OXR1: variants seen among roughly 807,000 people sequenced by gnomAD.
OXR1 encodes the protein oxidation resistance protein 1.
A neutral mutation model predicts 104.6 loss-of-function variants in OXR1; 41 were observed. The observed-to-expected ratio is 0.39, with a 90% CI of 0.31 to 0.51. The LOEUF is 0.51. Ranked by LOEUF, OXR1 falls within the 20% of genes least tolerant of loss-of-function variation. OXR1 has a pLI of 0.77. For synonymous variants in OXR1, 348 were observed against 348.4 expected (o/e 1.00, Z 0.01); for missense variants, 955 against 1,031.9 (o/e 0.93, Z 1.02).
intron 2 of OXR1, among the ~76,000 whole-genome samples, chr8:106,426,366 CAATT>C (rs1386416522): frequency 1.3e-5 from 2 of 151,686 alleles, no homozygotes; most frequent in South Asian, 2.1e-4. Flanking sequence ...TTTTTTTAAA[CAATT>C]GATTGAAAGA....
rs535636238 is a variant in OXR1, at chr8:106,529,359, A to G, written c.220+10220A>G. On this transcript the variant is annotated intron_variant, in intron 3 of 16. Transcript: ENST00000517566. Reference sequence around the variant, plus strand: ...TTTAATATCTACTTTAAAACATGAGATTAAGGAAATCCCACAAGCTGAAAC... The same window carrying G: ...TTTAATATCTACTTTAAAACATGAGGTTAAGGAAATCCCACAAGCTGAAAC... Among the ~76,000 whole-genome samples the G allele has an allele frequency of 2.6e-4, 40 of 152,310 alleles. No individual in the cohort carries two copies. The South Asian group carries it at 8.1e-3, about 31-fold the overall frequency.
At chr8:106,519,191 C>A in intron 3 of OXR1, 52 bp downstream of exon 3, 2 of 1,268,066 alleles carry the variant, frequency 1.6e-6, no homozygotes, top group South Asian at 1.5e-5. Context: ...ACCTAAATGG[C>A]ATTGAGAATT....
intron 1 of OXR1, among the ~76,000 whole-genome samples, chr8:106,282,032 TC>T (rs1812311507): frequency 2.0e-5 from 3 of 152,034 alleles, no homozygotes; most frequent in Admixed American, 6.6e-5. Flanking sequence ...TATACAACTT[TC>T]CCCCTACCCC....
Position 106,739,475 on chromosome 8 carries a change from C to T in OXR1, c.2055C>T (p.Asp685=), listed in dbSNP as rs763454476. The T allele has an allele frequency of 8.7e-6, 14 of 1,612,400 alleles. No homozygotes were observed. The highest frequency in any genetic ancestry group is 1.2e-5 in the Non-Finnish European group (14 of 1,178,752). The change falls in exon 13 of 17, where the codon GAC becomes GAT. Residue 685 remains aspartate, a synonymous_variant. Transcript: ENST00000517566. The stretch of plus-strand genomic sequence containing the variant: ...TGTTTTAGATTACTACAAGGGAAGA[C>T]ATAAATTCAAAGCAGGTTGCTACAG... ...CRRLQITTRE[D]INSKQVATVK...
chr8:106,537,894 G>A (rs1374483505), intron 3 of OXR1, among the ~76,000 whole-genome samples: 2 of 152,056 alleles, frequency 1.3e-5, no homozygotes, highest in African/African-American at 4.8e-5. Context: ...AAAAAGAGGG[G>A]AGGGTGAAAT....
chr8:106,697,428 AG>A, intron 7 of OXR1: 1 of 1,506,424 alleles, frequency 6.6e-7, no homozygotes, highest in Non-Finnish European at 9.2e-7. Flanking sequence ...GTGGGATCAA[AG>A]GATCTGGTGT....
chr8:106,383,376 A>G (rs1055844325), intron 2 of OXR1, among the ~76,000 whole-genome samples: 1 of 152,172 alleles, frequency 6.6e-6, no homozygotes, highest in African/African-American at 2.4e-5. Flanking sequence ...TTGGAAATGT[A>G]TTATCTATGA....
intron 1 of OXR1, among the ~76,000 whole-genome samples, chr8:106,276,753 CAAAAA>C (rs56303147): frequency 2.6e-5 from 2 of 77,760 alleles, no homozygotes; most frequent in Non-Finnish European, 2.6e-5. Context: ...CTGTTAGAGG[CAAAAA>C]AAAAAAAAAA....
chr8:106,740,993 A>G (rs2131576519), intron 14 of OXR1, among the ~76,000 whole-genome samples: 1 of 152,270 alleles, frequency 6.6e-6, no homozygotes, highest in South Asian at 2.1e-4. Flanking sequence ...CAATATTAGA[A>G]CAAAACACTG....
intron 11 of OXR1, among the ~76,000 whole-genome samples, chr8:106,730,179 G>C (rs1019678214): frequency 6.6e-6 from 1 of 151,918 alleles, no homozygotes; most frequent in African/African-American, 2.4e-5. Flanking sequence ...AGTTTTCCCT[G>C]TTATTCACAA....
chr8:106,486,428 A>G (rs993836646), intron 2 of OXR1, among the ~76,000 whole-genome samples: 3 of 151,998 alleles, frequency 2.0e-5, no homozygotes, highest in African/African-American at 7.2e-5. Context: ...AGAGTCCACT[A>G]TGTCAAGAAG....
intron 3 of OXR1, among the ~76,000 whole-genome samples, chr8:106,580,631 AT>A (rs1818161028): frequency 6.6e-6 from 1 of 152,056 alleles, no homozygotes; most frequent in Non-Finnish European, 1.5e-5. Flanking sequence ...TATTTTTTTA[AT>A]TTTTTGAGGA....
intron 1 of OXR1, among the ~76,000 whole-genome samples, chr8:106,287,856 G>T (rs1812564407): frequency 6.6e-6 from 1 of 152,254 alleles, no homozygotes; most frequent in East Asian, 1.9e-4. Context: ...TACTTGATTT[G>T]TTATTAGTTC....
intron 2 of OXR1, among the ~76,000 whole-genome samples, chr8:106,377,584 G>A (rs1368523525): frequency 6.6e-6 from 1 of 152,146 alleles, no homozygotes; most frequent in African/African-American, 2.4e-5. Flanking sequence ...TATAGCATAA[G>A]GAGTTCATGG....
intron 2 of OXR1, among the ~76,000 whole-genome samples, chr8:106,518,191 G>C (rs16874815): frequency 0.13 from 19,244 of 152,154 alleles, 1,530 homozygotes; most frequent in East Asian, 0.25. Context: ...TGTTTATAGG[G>C]AATGAAAGAC....
At position 106,745,957 on chromosome 8, in the gene OXR1, A is replaced by C. The variant is rs1340079503; in HGVS notation, c.2486+95A>C. On this transcript the variant is annotated intron_variant, in intron 16 of 16. Coordinates refer to ENST00000517566, the MANE Select transcript of OXR1 (RefSeq NM_001198533.2). ...ATTCAGTTGTCTTTAGAAAGTGTTG[A>C]CGTTAGAATTCAAATTTGTATATTA... 1.0e-5 allele frequency: 7 copies of C among 692,748 alleles called. No individual in the cohort carries two copies. In the African/African-American group the frequency reaches 1.3e-4, roughly 13 times the overall value. The allele number at this position is 692,748 out of a possible 1,614,324, so 42.9% of individuals were successfully genotyped here.
intron 2 of OXR1, among the ~76,000 whole-genome samples, chr8:106,485,686 C>A (rs1208855641): frequency 6.6e-6 from 1 of 151,924 alleles, no homozygotes. Context: ...TTTAATATGG[C>A]ACTATTTACA....
At chr8:106,527,629 T>C (rs572080472) in intron 3 of OXR1, among the ~76,000 whole-genome samples, 2 of 152,308 alleles carry the variant, frequency 1.3e-5, no homozygotes, top group East Asian at 3.9e-4. Flanking sequence ...AATCCAAACG[T>C]CCTTTACACC....
At chr8:106,301,400 G>C (rs1249885496) in intron 1 of OXR1, among the ~76,000 whole-genome samples, 1 of 152,074 alleles carries the variant, frequency 6.6e-6, no homozygotes, top group East Asian at 1.9e-4. Context: ...TCAATACTCA[G>C]TCAGTAGGAA....
Sources: allele counts gnomAD v4.1 joint callset (sites outside exome capture counted in the v4.1 genomes callset), GRCh38; gene constraint gnomAD v4.1.1; transcripts MANE v1.5; gene names NCBI Gene and HGNC (gene_info 2026-07-23, HGNC 2026-07-21).